STON2: variants seen among roughly 807,000 people sequenced by gnomAD.
STON2 encodes the protein stonin-2.
Under a neutral mutation model 65.7 loss-of-function variants are expected in STON2, and 29 were observed. The ratio of observed to expected loss-of-function variants is 0.44; its 90% confidence interval spans 0.33 to 0.60. The LOEUF (loss-of-function observed/expected upper bound fraction) is 0.60, where lower values mean the gene tolerates loss of function less well. STON2 is among the 20% of genes least tolerant of loss of function. The probability of loss-of-function intolerance (pLI) is 0.03; values close to 1 mark genes in which losing one functional copy is unlikely to be tolerated. For synonymous variants in STON2, 404 were observed against 414.2 expected, an observed-to-expected ratio of 0.98 and a Z score of 0.30; for missense variants, 1,054 against 1,118.1, an observed-to-expected ratio of 0.94 and a Z score of 0.82.
In STON2 at chr14:81,270,442, C is replaced by A. The variant is rs1894527671; in HGVS notation, c.2784+228G>T. 1.3e-5 allele frequency: 19 copies of A among 1,455,812 alleles called. No homozygotes were observed. In the South Asian group the frequency reaches 2.8e-4, roughly 22 times the overall value. The allele number at this position is 1,455,812 out of a possible 1,614,324, so 90.2% of individuals were successfully genotyped here. A position where few individuals can be genotyped will look rare whatever the true frequency, so the allele number is the denominator to read the frequency against. On this transcript the variant is annotated intron_variant, in intron 7 of 7. Coordinates refer to ENST00000614646, the MANE Select transcript of STON2 (RefSeq NM_001394390.1). Reference sequence around the variant, plus strand: ...TGACAGAAAGACATTATATTCTCCTCTTTGATGAGCCTCTTTATTTTTTTC... The same window carrying A: ...TGACAGAAAGACATTATATTCTCCTATTTGATGAGCCTCTTTATTTTTTTC...
intron 4 of STON2, among the ~76,000 whole-genome samples, chr14:81,327,197 T>C (rs1897032846): frequency 6.6e-6 from 1 of 152,256 alleles, no homozygotes; most frequent in African/African-American, 2.4e-5. Context: ...TTTAATATTA[T>C]CCAGTCTCTA....
chr14:81,348,200 G>A (rs955205811), intron 4 of STON2, among the ~76,000 whole-genome samples: 4 of 152,084 alleles, frequency 2.6e-5, no homozygotes, highest in Admixed American at 2.6e-4. Context: ...CTCAGAACTG[G>A]AACAAGCAAA....
intron 2 of STON2, chr14:81,413,182 A>C: frequency 2.0e-6 from 3 of 1,527,842 alleles, no homozygotes; most frequent in Non-Finnish European, 2.6e-6. Flanking sequence ...ATGAAACCAA[A>C]CACTTCATCT....
intron 4 of STON2, among the ~76,000 whole-genome samples, chr14:81,370,761 T>C (rs1334774977): frequency 6.6e-6 from 1 of 152,250 alleles, no homozygotes; most frequent in Non-Finnish European, 1.5e-5. Context: ...CACTGTCAAA[T>C]GGTTGCCGAG....
intron 3 of STON2, among the ~76,000 whole-genome samples, chr14:81,377,034 A>C (rs1243520760): frequency 3.9e-5 from 6 of 152,122 alleles, no homozygotes; most frequent in Non-Finnish European, 8.8e-5. Flanking sequence ...GTGTGTATCT[A>C]GTTCTATGCA....
chr14:81,414,956 G>A (rs962452103), intron 2 of STON2, among the ~76,000 whole-genome samples: 1 of 152,120 alleles, frequency 6.6e-6, no homozygotes, highest in Admixed American at 6.5e-5. Context: ...GCCCATGGTC[G>A]TCCATCAAAT....
Position 81,365,680 on chromosome 14 carries a change from C to T in STON2, c.571+5308G>A, listed in dbSNP as rs147892269. On this transcript the variant is annotated intron_variant, in intron 4 of 7. Coordinates refer to ENST00000614646, the MANE Select transcript of STON2 (RefSeq NM_001394390.1). ...CTGAGATGGGAGGATCACTTGAACC[C>T]GGAAGGTGGAGGTTGCAGTGAGCCG... is the stretch of plus-strand genomic sequence containing the variant. Among the ~76,000 whole-genome samples, 955 of 152,134 alleles carry T rather than the reference C, an allele frequency of 6.3e-3. 7 individuals carry two copies. Among genetic ancestry groups the T allele is most frequent in the Non-Finnish European group, 9.0e-3 (609 of 68,002 alleles).
rs1229471557 is a variant in STON2, at chr14:81,382,097, T to C, written c.374-10912A>G. On this transcript the variant is annotated intron_variant, in intron 3 of 7. Transcript: ENST00000614646. Reference sequence around the variant, plus strand: ...AGCCAGGTGTGGTGGCAGGCACCTGTAATCCCAGCTACTCAGAAGGCTGAG... The same window carrying C: ...AGCCAGGTGTGGTGGCAGGCACCTGCAATCCCAGCTACTCAGAAGGCTGAG... Among the ~76,000 whole-genome samples, 11 of 152,086 alleles carry C rather than the reference T, an allele frequency of 7.2e-5. No homozygotes were observed. In the South Asian group the frequency reaches 2.3e-3, roughly 32 times the overall value.
intron 2 of STON2, among the ~76,000 whole-genome samples, chr14:81,423,004 C>A (rs944660284): frequency 1.3e-5 from 2 of 150,866 alleles, no homozygotes; most frequent in Non-Finnish European, 2.9e-5. Context: ...CACCGCACTC[C>A]AGCCTGGGAG....
intron 1 of STON2, among the ~76,000 whole-genome samples, chr14:81,433,442 C>A (rs1357733974): frequency 6.6e-6 from 1 of 152,202 alleles, no homozygotes; most frequent in East Asian, 1.9e-4. Flanking sequence ...TGGATAAAGT[C>A]CCAATCCCCT....
At chr14:81,298,650 T>C (rs1040423173) in intron 5 of STON2, among the ~76,000 whole-genome samples, 5 of 152,146 alleles carry the variant, frequency 3.3e-5, no homozygotes, top group East Asian at 3.8e-4. Context: ...AGAACCATGC[T>C]AGGAGTTTCA....
intron 4 of STON2, among the ~76,000 whole-genome samples, chr14:81,368,605 T>C (rs560862990): frequency 1.3e-5 from 2 of 152,166 alleles, no homozygotes; most frequent in Admixed American, 6.5e-5. Context: ...TCCCAGCTAC[T>C]TGGGAGGCTG....
chr14:81,281,423 C>T lies in STON2; in HGVS notation c.743-2684G>A, dbSNP rs753826662. On this transcript the variant is annotated intron_variant, in intron 5 of 7. Transcript: ENST00000614646. ...GGTACATCTCAAAACTCATCAACTT[C>T]TAATGAGGCAGCTCTAGAGAGCCTT... Among the ~76,000 whole-genome samples, 87 of 152,328 alleles carry T rather than the reference C, an allele frequency of 5.7e-4. 1 individual carries two copies. In the Middle Eastern group the frequency reaches 0.01, roughly 18 times the overall value.
intron 5 of STON2, among the ~76,000 whole-genome samples, chr14:81,294,865 A>T (rs1219015148): frequency 2.0e-5 from 3 of 152,220 alleles, no homozygotes; most frequent in Admixed American, 6.5e-5. Flanking sequence ...AATATGAAAT[A>T]ACACATGTGA....
intron 2 of STON2, 64 bp from the exon 3 acceptor site, chr14:81,396,242 A>T: frequency 6.6e-7 from 1 of 1,506,392 alleles, no homozygotes; most frequent in Non-Finnish European, 8.9e-7. Context: ...CATCTCATGG[A>T]GGCAAAAACT....
At chr14:81,427,917 T>C (rs1416537507) in intron 1 of STON2, among the ~76,000 whole-genome samples, 1 of 152,138 alleles carries the variant, frequency 6.6e-6, no homozygotes, top group African/African-American at 2.4e-5. Flanking sequence ...GCATAGCTTC[T>C]AGATCTAAGC....
intron 3 of STON2, among the ~76,000 whole-genome samples, chr14:81,392,267 G>A (rs536952485): frequency 2.0e-5 from 3 of 152,124 alleles, no homozygotes; most frequent in South Asian, 4.1e-4. Context: ...GTGGAGCTGC[G>A]GAAGTTTGTG....
chr14:81,435,540 G>C (rs537298833), intron 1 of STON2, among the ~76,000 whole-genome samples: 1 of 152,308 alleles, frequency 6.6e-6, no homozygotes, highest in African/African-American at 2.4e-5. Flanking sequence ...GCTCAAGGGG[G>C]AAACGGGGAG....
intron 4 of STON2, among the ~76,000 whole-genome samples, chr14:81,364,606 G>A (rs1210787292): frequency 6.6e-6 from 1 of 152,124 alleles, no homozygotes; most frequent in Non-Finnish European, 1.5e-5. Flanking sequence ...ATATGTATGT[G>A]TGTGTATACA....
Sources: gnomAD v4.1 joint callset for allele counts (sites outside exome capture counted in the v4.1 genomes callset) on GRCh38, gnomAD v4.1.1 for gene constraint, MANE v1.5 for transcripts, NCBI Gene and HGNC (gene_info 2026-07-23, HGNC 2026-07-21) for gene names.